PDE11A: variants seen among roughly 807,000 people sequenced by gnomAD.
The protein encoded by PDE11A is dual 3',5'-cyclic-AMP and -GMP phosphodiesterase 11A.
A neutral mutation model predicts 100.5 loss-of-function variants in PDE11A; 100 were observed. The observed-to-expected ratio is 1.00, with a 90% CI of 0.85 to 1.18. The LOEUF (loss-of-function observed/expected upper bound fraction) is 1.18, where lower values mean the gene tolerates loss of function less well. Ranked by LOEUF, PDE11A falls within the 50% of genes most tolerant of loss-of-function variation. The probability of loss-of-function intolerance (pLI) is 0.00; values close to 1 mark genes in which losing one functional copy is unlikely to be tolerated. For missense variants in PDE11A, 1,141 were observed against 1,152.6 expected (o/e 0.99, Z 0.15); for synonymous variants, 381 against 420.8 (o/e 0.91, Z 1.16).
At chr2:178,012,826 G>T (rs576602740) in intron 2 of PDE11A, among the ~76,000 whole-genome samples, 2 of 152,176 alleles carry the variant, frequency 1.3e-5, no homozygotes, top group African/African-American at 4.8e-5. Context: ...ACTGTTAGGG[G>T]TATGGTATGG....
intron 10 of PDE11A, among the ~76,000 whole-genome samples, chr2:177,743,135 G>C (rs879443722): frequency 6.6e-6 from 1 of 152,174 alleles, no homozygotes; most frequent in Non-Finnish European, 1.5e-5. Context: ...TCTCTTTTGG[G>C]ACAAGGAAAG....
At chr2:177,680,104 G>A (rs1307547788) in intron 16 of PDE11A, among the ~76,000 whole-genome samples, 3 of 152,058 alleles carry the variant, frequency 2.0e-5, no homozygotes, top group African/African-American at 7.2e-5. Flanking sequence ...TCCGCTTGGG[G>A]TAATCCAGTA....
At chr2:177,801,581 G>T (rs1170738896) in intron 9 of PDE11A, among the ~76,000 whole-genome samples, 1 of 152,100 alleles carries the variant, frequency 6.6e-6, no homozygotes, top group Non-Finnish European at 1.5e-5. Flanking sequence ...CAATGGAAAA[G>T]AATGCAGAAC....
At position 178,028,805 on chromosome 2, in the gene PDE11A, T is replaced by G. The variant is rs575907609; in HGVS notation, c.913-14345A>C. 2.8e-4 allele frequency among the ~76,000 whole-genome samples: 42 copies of G among 152,358 alleles called. 1 individual carries two copies. In the South Asian group the frequency reaches 7.7e-3, roughly 28 times the overall value. Reference sequence around the variant, plus strand: ...ATATATCGGCTAGCATTTACTCTCATGCAAATAACAGGGCCAGGAACCATT... The same window carrying G: ...ATATATCGGCTAGCATTTACTCTCAGGCAAATAACAGGGCCAGGAACCATT... On this transcript the variant is annotated intron_variant, in intron 1 of 19. Transcript: ENST00000286063.
chr2:177,756,684 C>T (rs963525282), intron 10 of PDE11A, among the ~76,000 whole-genome samples: 1 of 152,170 alleles, frequency 6.6e-6, no homozygotes. Flanking sequence ...AATGGGATCA[C>T]TCAGCACAGG....
At chr2:177,938,987 C>T (rs1201251733) in intron 2 of PDE11A, among the ~76,000 whole-genome samples, 1 of 152,192 alleles carries the variant, frequency 6.6e-6, no homozygotes, top group Non-Finnish European at 1.5e-5. Flanking sequence ...GGAGACAGGC[C>T]TTAGAAGCAA....
chr2:177,772,706 CTTTA>C lies in PDE11A; in HGVS notation c.1738-3337_1738-3334del, dbSNP rs201688573. Reference sequence around the variant, plus strand: ...TGTTTAAATCAACTCTTCCCACTTCCTTTATTTAAAAAAAAAAAAAAGCTATTTA... The same window carrying C: ...TGTTTAAATCAACTCTTCCCACTTCCTTTAAAAAAAAAAAAAAGCTATTTA... On this transcript the variant is annotated intron_variant, in intron 9 of 19. Transcript: ENST00000286063. Among the ~76,000 whole-genome samples, 877 of 134,616 alleles carry C rather than the reference CTTTA, an allele frequency of 6.5e-3. 10 individuals carry two copies. The highest frequency in any genetic ancestry group is 0.025 in the African/African-American group (814 of 31,960). 88.3% of individuals were successfully genotyped at this position (134,616 alleles called of 152,430 possible).
At chr2:177,831,069 A>G (rs1231100093) in intron 6 of PDE11A, among the ~76,000 whole-genome samples, 1 of 152,218 alleles carries the variant, frequency 6.6e-6, no homozygotes, top group Admixed American at 6.5e-5. Flanking sequence ...GCCACTTTTG[A>G]GAGCCAACTC....
chr2:178,020,193 G>T (rs1457148942), intron 1 of PDE11A, among the ~76,000 whole-genome samples: 1 of 152,190 alleles, frequency 6.6e-6, no homozygotes. Flanking sequence ...TATCAATGGT[G>T]TTGGCCATGA....
At chr2:177,738,456 T>G (rs572533594) in intron 10 of PDE11A, among the ~76,000 whole-genome samples, 4 of 152,272 alleles carry the variant, frequency 2.6e-5, no homozygotes, top group African/African-American at 9.6e-5. Flanking sequence ...ACATTACACA[T>G]TAAGGTTTAG....
chr2:177,804,614 C>A (rs1309792029), intron 9 of PDE11A, among the ~76,000 whole-genome samples: 3 of 151,794 alleles, frequency 2.0e-5, no homozygotes, highest in Non-Finnish European at 4.4e-5. Context: ...AATAAAGATA[C>A]CTGCACCCAT....
At position 177,629,300 on chromosome 2, in the gene PDE11A, T is replaced by G; in HGVS notation, c.*107A>C. ...CCAGGCATGCTTCCCAGTGCATCCT[T>G]GAGATGTTAGGTCTTTCTGAGCTAA... On this transcript the variant is annotated 3_prime_UTR_variant, in exon 20 of 20. Coordinates refer to ENST00000286063, the MANE Select transcript of PDE11A (RefSeq NM_016953.4). 4.1e-4 allele frequency: 407 copies of G among 990,514 alleles called. No individual in the cohort carries two copies. Among genetic ancestry groups the G allele is most frequent in the Non-Finnish European group, 5.7e-4 (349 of 613,740 alleles). The allele number at this position is 990,514 out of a possible 1,614,324, so 61.4% of individuals were successfully genotyped here. A position where few individuals can be genotyped will look rare whatever the true frequency, so the allele number is the denominator to read the frequency against.
At chr2:178,055,569 G>A (rs2086889629) in intron 1 of PDE11A, among the ~76,000 whole-genome samples, 1 of 152,112 alleles carries the variant, frequency 6.6e-6, no homozygotes, top group Non-Finnish European at 1.5e-5. Flanking sequence ...ATCACTTGTA[G>A]TTCCAAATGC....
At chr2:178,107,997 G>C (rs1395723447) in intron 1 of PDE11A, among the ~76,000 whole-genome samples, 1 of 152,138 alleles carries the variant, frequency 6.6e-6, no homozygotes, top group East Asian at 1.9e-4. Flanking sequence ...TGGGATTAGA[G>C]GCGTAAGCCA....
intron 5 of PDE11A, among the ~76,000 whole-genome samples, chr2:177,871,583 A>G (rs1388043606): frequency 6.7e-6 from 1 of 150,120 alleles, no homozygotes; most frequent in Admixed American, 6.6e-5. Context: ...TTTAAATCTT[A>G]GGCTTGGCAT....
intron 10 of PDE11A, among the ~76,000 whole-genome samples, chr2:177,730,537 C>T (rs1286865651): frequency 1.3e-5 from 2 of 149,756 alleles, no homozygotes; most frequent in African/African-American, 2.5e-5. Flanking sequence ...ACATGTTTTT[C>T]ATTTCTCATA....
rs112514639 is a variant in PDE11A at position 178,046,591 on chromosome 2, G to A, written c.912+24935C>T. On this transcript the variant is annotated intron_variant, in intron 1 of 19. Coordinates refer to ENST00000286063, the MANE Select transcript of PDE11A (RefSeq NM_016953.4). ...AGAATAATAGTCATTGAGTCAGAAGGTGAGATGATAGATAGAAGGTCAAGG... is the reference window on the plus strand; with the variant it reads ...AGAATAATAGTCATTGAGTCAGAAGATGAGATGATAGATAGAAGGTCAAGG... 4.1e-3 allele frequency among the ~76,000 whole-genome samples: 629 copies of A among 152,246 alleles called. 8 individuals are homozygous for A. Among genetic ancestry groups the A allele is most frequent in the African/African-American group, 0.014 (587 of 41,528 alleles).
chr2:177,660,289 A>C (rs575432579), intron 19 of PDE11A, among the ~76,000 whole-genome samples: 1 of 151,986 alleles, frequency 6.6e-6, no homozygotes, highest in African/African-American at 2.4e-5. Flanking sequence ...TCCTTATTAG[A>C]TAGCTATTCA....
chr2:178,027,520 G>A (rs946004724), intron 1 of PDE11A, among the ~76,000 whole-genome samples: 3 of 152,078 alleles, frequency 2.0e-5, no homozygotes, highest in Admixed American at 1.3e-4. Context: ...GAGGTGGGTC[G>A]ATATTCATAA....
Sources: allele counts gnomAD v4.1 joint callset (sites outside exome capture counted in the v4.1 genomes callset), GRCh38; gene constraint gnomAD v4.1.1; transcripts MANE v1.5; gene names NCBI Gene and HGNC (gene_info 2026-07-23, HGNC 2026-07-21).